The following NBPF26 variants were observed in gnomAD, a reference collection of about 807,000 sequenced individuals.
NBPF26 encodes the protein NBPF member 26, also known as NBPF family member NBPF26.
Under a neutral mutation model 119.6 loss-of-function variants are expected in NBPF26, and 79 were observed. That is an observed-to-expected ratio of 0.66 (90% CI 0.55 to 0.80). NBPF26 has a LOEUF of 0.80. Among genes scored for constraint, NBPF26 ranks in the 30% least tolerant of loss-of-function variants. The pLI is 0.00. For missense variants in NBPF26, 800 were observed against 1,198.2 expected (o/e 0.67, Z 4.91); for synonymous variants, 299 against 457.7 (o/e 0.65, Z 4.43).
At position 120,816,775 on chromosome 1, in the gene NBPF26, C is replaced by A; in HGVS notation, c.2319C>A (p.Leu773=). ...AGGAAGACAAAGTCGACTCAACTCT[C>A]ATTGGCTCATCCTCTCATGTTGAAT... The change falls in exon 14 of 30, where the codon CTC becomes CTA. Residue 773 remains leucine, a synonymous_variant. Transcript: ENST00000620612. The A allele has an allele frequency of 4.9e-6, 7 of 1,420,678 alleles. 1 individual carries two copies. The highest frequency in any genetic ancestry group is 6.6e-6 in the Non-Finnish European group (7 of 1,065,788). 88.0% of individuals were successfully genotyped at this position (1,420,678 alleles called of 1,614,324 possible).
intron 12 of NBPF26, among the ~76,000 whole-genome samples, 167 bp downstream of exon 12, chr1:120,815,210 A>G (rs1346598014): frequency 1.8e-5 from 2 of 110,662 alleles, no homozygotes; most frequent in Non-Finnish European, 3.4e-5. Flanking sequence ...TGGGAAACCC[A>G]TGGGGTTGGA....
chr1:120,806,516 C>A lies in NBPF26; in HGVS notation c.961+751C>A, dbSNP rs1479038331. Among the ~76,000 whole-genome samples the A allele has an allele frequency of 3.2e-5, 4 of 123,204 alleles. 1 individual carries two copies. The highest frequency in any genetic ancestry group is 6.6e-5 in the Non-Finnish European group (4 of 60,688). 80.8% of individuals were successfully genotyped at this position (123,204 alleles called of 152,430 possible). On this transcript the variant is annotated intron_variant, in intron 5 of 29. Transcript: ENST00000620612. ...GCTGAGGCAGAAGAATCCTTTGAACCCAGCAGGCAGATGTTGCAGTGAGCC... is the reference window on the plus strand; with the variant it reads ...GCTGAGGCAGAAGAATCCTTTGAACACAGCAGGCAGATGTTGCAGTGAGCC...
At chr1:120,763,778 T>C (rs1651158750) in intron 2 of NBPF26, 69 bp downstream of exon 2, 1 of 645,198 alleles carries the variant, frequency 1.5e-6, no homozygotes, top group Non-Finnish European at 2.7e-6. Context: ...TCTACTCCTC[T>C]ATTTTTAATG....
chr1:120,815,228 G>A (rs1553271614), intron 12 of NBPF26, among the ~76,000 whole-genome samples, 185 bp downstream of exon 12: 2 of 113,214 alleles, frequency 1.8e-5, no homozygotes, highest in Non-Finnish European at 3.3e-5. Flanking sequence ...GGAGGTCACA[G>A]TATTGCAAGT....
At chr1:120,737,658 G>A (rs1388391792) in intron 1 of NBPF26, among the ~76,000 whole-genome samples, 1 of 114,220 alleles carries the variant, frequency 8.8e-6, no homozygotes, top group Non-Finnish European at 1.7e-5. Flanking sequence ...AAAATAATTT[G>A]CCTGTGAACC....
chr1:120,822,158 T>A lies in NBPF26; in HGVS notation c.2478T>A (p.Gly826=), dbSNP rs1652132532. The A allele has an allele frequency of 3.9e-6, 5 of 1,272,268 alleles. 2 individuals are homozygous for A. Among genetic ancestry groups the A allele is most frequent in the Non-Finnish European group, 5.3e-6 (5 of 937,938 alleles). The allele number at this position is 1,272,268 out of a possible 1,614,324, so 78.8% of individuals were successfully genotyped here. The change falls in exon 16 of 30, where the codon GGT becomes GGA. Residue 826 remains glycine, a synonymous_variant. Coordinates refer to ENST00000620612, the Ensembl canonical transcript of NBPF26. ...TCCCCCAGGAGTCCTGGGATGAAGG[T>A]TATTCGACTCTCTCAATTCCTCCTG...
chr1:120,758,234 A>T lies in NBPF26; in HGVS notation c.74-5394A>T, dbSNP rs1328718383. 3.3e-5 allele frequency among the ~76,000 whole-genome samples: 4 copies of T among 121,178 alleles called. 2 individuals carry two copies. Among genetic ancestry groups the T allele is most frequent in the African/African-American group, 1.7e-4 (4 of 23,794 alleles). The allele number at this position is 121,178 out of a possible 152,430, so 79.5% of individuals were successfully genotyped here. A position where few individuals can be genotyped will look rare whatever the true frequency, so the allele number is the denominator to read the frequency against. ...CTCTGATCTGGAAGGCCAGCATGGG[A>T]GCCTAGACTGGTTAAAGTAAGAAAT... On this transcript the variant is annotated intron_variant, in intron 1 of 29. Transcript: ENST00000620612.
chr1:120,814,591 A>G (rs1651963003), intron 11 of NBPF26, among the ~76,000 whole-genome samples: 1 of 122,920 alleles, frequency 8.1e-6, no homozygotes, highest in South Asian at 2.5e-4. Flanking sequence ...TTTTGTTTAC[A>G]GAAGAGAAAG....
rs2101451646 is a variant in NBPF26 at position 120,783,710 on chromosome 1, G to T, written c.156-1264G>T. Among the ~76,000 whole-genome samples the T allele has an allele frequency of 3.4e-5, 4 of 117,658 alleles. 2 individuals are homozygous for T. The East Asian group carries it at 8.5e-4, about 25-fold the overall frequency. The allele number at this position is 117,658 out of a possible 152,430, so 77.2% of individuals were successfully genotyped here. On this transcript the variant is annotated intron_variant, in intron 2 of 29. Transcript: ENST00000620612. ...GAACAACAGTAACAAATGCATTTGA[G>T]AGAAAGAGCAGTGCAGTCCAGACTT...
intron 1 of NBPF26, among the ~76,000 whole-genome samples, chr1:120,734,470 C>A (rs1650894406): frequency 1.5e-5 from 1 of 68,628 alleles, no homozygotes; most frequent in Admixed American, 1.4e-4. Flanking sequence ...AAATTTATGT[C>A]CACTGGTCTT....
At chr1:120,770,716 G>A (rs1423583684) in intron 2 of NBPF26, among the ~76,000 whole-genome samples, 8 of 119,412 alleles carry the variant, frequency 6.7e-5, no homozygotes, top group African/African-American at 3.8e-4. Context: ...AGATATACTC[G>A]TGGAAAATGT....
Position 120,793,177 on chromosome 1 carries a change from G to A in NBPF26, c.432G>A (p.Trp144Ter). ...TTCCTTTAGGTAAGGAGTGCCAATGGACCGATGCCTGCCTGTCTCATCTCT... is the reference window on the plus strand; with the variant it reads ...TTCCTTTAGGTAAGGAGTGCCAATGAACCGATGCCTGCCTGTCTCATCTCT... The change falls in exon 4 of 30, where the codon TGG becomes TGA. Residue 144 changes from tryptophan to a stop codon, truncating the protein, a stop_gained. Coordinates refer to ENST00000620612, the Ensembl canonical transcript of NBPF26. LOFTEE classifies it high-confidence loss of function. 2.1e-6 allele frequency: 3 copies of A among 1,437,228 alleles called. No individual in the cohort carries two copies. The highest frequency in any genetic ancestry group is 2.8e-6 in the Non-Finnish European group (3 of 1,077,566). The allele number at this position is 1,437,228 out of a possible 1,614,324, so 89.0% of individuals were successfully genotyped here.
intron 29 of NBPF26, 150 bp from the exon 36 acceptor site, chr1:120,840,200 C>G (rs1375408815): frequency 4.5e-6 from 5 of 1,112,968 alleles, no homozygotes; most frequent in Non-Finnish European, 6.0e-6. Context: ...TCTATCCCAA[C>G]ATAAAGGCAA....
chr1:120,815,311 G>A (rs1218571956), intron 12 of NBPF26, among the ~76,000 whole-genome samples: 1 of 117,174 alleles, frequency 8.5e-6, no homozygotes, highest in South Asian at 2.5e-4. Context: ...AGGACAGGAA[G>A]GAGGCTGGGA....
At chr1:120,809,985 C>A in intron 8 of NBPF26, 102 bp downstream of exon 8, 2 of 1,445,144 alleles carry the variant, frequency 1.4e-6, no homozygotes, top group Non-Finnish European at 1.9e-6. Context: ...AGCCCACATC[C>A]CCTTGGCCAC....
Position 120,813,146 on chromosome 1 carries a change from C to T in NBPF26, c.1775-745C>T, listed in dbSNP as rs1263720809. Among the ~76,000 whole-genome samples, 124 of 120,044 alleles carry T rather than the reference C, an allele frequency of 1.0e-3. 1 individual carries two copies. The highest frequency in any genetic ancestry group is 1.7e-3 in the Non-Finnish European group (106 of 60,900). The allele number at this position is 120,044 out of a possible 152,430, so 78.8% of individuals were successfully genotyped here. On this transcript the variant is annotated intron_variant, in intron 10 of 29. Coordinates refer to ENST00000620612, the Ensembl canonical transcript of NBPF26. Reference sequence around the variant, plus strand: ...GCTCCATCCAAGTTGCTTGTCTTGTCTGTCCCTCAGTTTCCTCACCTGTTC... The same window carrying T: ...GCTCCATCCAAGTTGCTTGTCTTGTTTGTCCCTCAGTTTCCTCACCTGTTC...
At position 120,784,910 on chromosome 1, in the gene NBPF26, A is replaced by T. The variant is rs1437716345; in HGVS notation, c.156-64A>T. The T allele has an allele frequency of 2.5e-5, 25 of 1,010,496 alleles. 5 individuals are homozygous for T. The East Asian group carries it at 6.1e-4, about 25-fold the overall frequency. 62.6% of individuals were successfully genotyped at this position (1,010,496 alleles called of 1,614,324 possible). The stretch of plus-strand genomic sequence containing the variant: ...TTTCTTGATTGGACTGTATTGTTTT[A>T]CTGTAATTTTTTGGACTTACAAGAA... On this transcript the variant is annotated intron_variant, in intron 2 of 29. Transcript: ENST00000620612.
Position 120,764,256 on chromosome 1 carries a change from T to TA in NBPF26, c.155+555dup, listed in dbSNP as rs1209928932. On this transcript the variant is annotated intron_variant, in intron 2 of 29. Transcript: ENST00000620612. ...AGCAAGACTCCGTCTCAAAAAGAAA[T>TA]AAAAAAAATATATAAAAAAATATAT... Among the ~76,000 whole-genome samples the TA allele has an allele frequency of 4.6e-4, 50 of 109,702 alleles. 9 individuals carry two copies. The highest frequency in any genetic ancestry group is 6.9e-4 in the Non-Finnish European group (40 of 58,276). 72.0% of individuals were successfully genotyped at this position (109,702 alleles called of 152,430 possible).
chr1:120,818,664 G>T lies in NBPF26; in HGVS notation c.2423+490G>T, dbSNP rs1386332031. On this transcript the variant is annotated intron_variant, in intron 15 of 29. Transcript: ENST00000620612. ...TACACATTGCTTTAAATGTGTCCCA[G>T]AGATTCTGGTATGTTGTATCTTTGT... Among the ~76,000 whole-genome samples the T allele has an allele frequency of 1.6e-5, 2 of 125,506 alleles. 1 individual carries two copies. The highest frequency in any genetic ancestry group is 3.3e-5 in the Non-Finnish European group (2 of 61,426). The allele number at this position is 125,506 out of a possible 152,430, so 82.3% of individuals were successfully genotyped here. A position where few individuals can be genotyped will look rare whatever the true frequency, so the allele number is the denominator to read the frequency against.
Sources: gnomAD v4.1 joint callset for allele counts (sites outside exome capture counted in the v4.1 genomes callset) on GRCh38, gnomAD v4.1.1 for gene constraint, MANE v1.5 for transcripts, NCBI Gene and HGNC (gene_info 2026-07-23, HGNC 2026-07-21) for gene names.